The following PRELID2 variants were observed in gnomAD, a reference collection of about 807,000 sequenced individuals.
PRELID2 encodes the protein PRELI domain containing 2.
Under a neutral mutation model 28.4 loss-of-function variants are expected in PRELID2, and 25 were observed. That is an observed-to-expected ratio of 0.88 (90% CI 0.64 to 1.23). PRELID2 has a LOEUF of 1.23. Ranked by LOEUF, PRELID2 falls within the 50% of genes most tolerant of loss-of-function variation. The pLI is 0.00. For missense variants in PRELID2, 201 were observed against 214.4 expected (o/e 0.94, Z 0.39); for synonymous variants, 76 against 71.6 (o/e 1.06, Z -0.31).
chr5:145,584,185 G>C (rs1329210466), intron 1 of PRELID2, among the ~76,000 whole-genome samples: 1 of 152,056 alleles, frequency 6.6e-6, no homozygotes, highest in Non-Finnish European at 1.5e-5. Flanking sequence ...ACAAGCAATA[G>C]GGAAAGGATT....
the PRELID2 span, among the ~76,000 whole-genome samples, chr5:145,248,659 T>C: frequency 6.6e-6 from 1 of 152,074 alleles, no homozygotes; most frequent in Non-Finnish European, 1.5e-5. Flanking sequence ...TAGCTGGGCA[T>C]GGTGGTGCAC....
At chr5:145,780,541 T>C (rs181045534) in intron 5 of PRELID2, among the ~76,000 whole-genome samples, 1 of 152,338 alleles carries the variant, frequency 6.6e-6, no homozygotes, top group African/African-American at 2.4e-5. Context: ...TAAATGGCTC[T>C]ACTGGAAATA....
the PRELID2 span, among the ~76,000 whole-genome samples, chr5:145,289,597 T>A: frequency 6.6e-6 from 1 of 152,186 alleles, no homozygotes; most frequent in Non-Finnish European, 1.5e-5. Context: ...CATTTTCAAG[T>A]TAGTTGTGCA....
chr5:145,360,540 C>A, the PRELID2 span, among the ~76,000 whole-genome samples: 1 of 152,108 alleles, frequency 6.6e-6, no homozygotes, highest in African/African-American at 2.4e-5. Context: ...AAATAACAGC[C>A]CCTGAGCCTA....
At chr5:145,702,084 C>CAT (rs571336179) in intron 1 of PRELID2, among the ~76,000 whole-genome samples, 7 of 151,452 alleles carry the variant, frequency 4.6e-5, no homozygotes, top group South Asian at 2.1e-4. Flanking sequence ...CACACACACA[C>CAT]ATATATATAT....
chr5:145,506,843 C>T (rs1338090363), intron 1 of PRELID2, among the ~76,000 whole-genome samples: 5 of 152,202 alleles, frequency 3.3e-5, no homozygotes, highest in Non-Finnish European at 5.9e-5. Flanking sequence ...TCTTTGGTTT[C>T]AATGCCACCT....
the PRELID2 span, among the ~76,000 whole-genome samples, chr5:145,340,805 C>G: frequency 9.6e-6 from 1 of 103,654 alleles, no homozygotes. Context: ...ATATATCCTC[C>G]CTATATCCAC....
intron 1 of PRELID2, among the ~76,000 whole-genome samples, chr5:145,582,457 C>G (rs1016122865): frequency 8.6e-5 from 13 of 151,950 alleles, no homozygotes; most frequent in African/African-American, 3.1e-4. Context: ...AGTCGGCCCC[C>G]ATGATTCAAT....
At chr5:145,492,840 G>T (rs1467270894) in intron 1 of PRELID2, among the ~76,000 whole-genome samples, 1 of 140,750 alleles carries the variant, frequency 7.1e-6, no homozygotes, top group Non-Finnish European at 1.6e-5. Flanking sequence ...AAGCCTTAGG[G>T]TTATATGGTC....
intron 4 of PRELID2, among the ~76,000 whole-genome samples, chr5:145,809,384 C>T (rs1185192062): frequency 1.3e-5 from 2 of 151,974 alleles, no homozygotes; most frequent in African/African-American, 2.4e-5. Flanking sequence ...CAGCTATGCC[C>T]GACCACTCTG....
At chr5:145,606,891 T>C (rs1753512524) in intron 1 of PRELID2, among the ~76,000 whole-genome samples, 1 of 152,060 alleles carries the variant, frequency 6.6e-6, no homozygotes, top group Non-Finnish European at 1.5e-5. Context: ...TTCTGGTTGG[T>C]AGACTTTTTA....
At chr5:145,254,833 G>A in the PRELID2 span, among the ~76,000 whole-genome samples, 1 of 151,624 alleles carries the variant, frequency 6.6e-6, no homozygotes, top group Non-Finnish European at 1.5e-5. Context: ...TGATTTTCAG[G>A]TGCATAGGTC....
At chr5:145,464,941 A>C in the PRELID2 span, among the ~76,000 whole-genome samples, 1 of 152,138 alleles carries the variant, frequency 6.6e-6, no homozygotes, top group Non-Finnish European at 1.5e-5. Flanking sequence ...AGCCTAAAGT[A>C]AAGTCCCTCA....
intron 1 of PRELID2, among the ~76,000 whole-genome samples, chr5:145,483,645 T>G (rs1004713369): frequency 2.0e-5 from 3 of 152,318 alleles, no homozygotes; most frequent in African/African-American, 7.2e-5. Context: ...CAACAAGTGA[T>G]AGAGCCAGGA....
intron 1 of PRELID2, among the ~76,000 whole-genome samples, chr5:145,692,421 G>A (rs1242416506): frequency 6.6e-6 from 1 of 152,004 alleles, no homozygotes; most frequent in African/African-American, 2.4e-5. Flanking sequence ...ACCCTGCTGT[G>A]TGTTTCTGAA....
chr5:145,357,514 A>G, the PRELID2 span, among the ~76,000 whole-genome samples: 1 of 152,126 alleles, frequency 6.6e-6, no homozygotes, highest in Non-Finnish European at 1.5e-5. Flanking sequence ...ATATTTCCTC[A>G]GCTTGGTCAA....
At chr5:145,378,610 C>T in the PRELID2 span, among the ~76,000 whole-genome samples, 38 of 152,088 alleles carry the variant, frequency 2.5e-4, no homozygotes, top group Non-Finnish European at 5.0e-4. Flanking sequence ...CTATGAAATT[C>T]TTGTAGTGTA....
chr5:145,508,341 C>T (rs1032743729), intron 1 of PRELID2, among the ~76,000 whole-genome samples: 1 of 151,906 alleles, frequency 6.6e-6, no homozygotes, highest in Non-Finnish European at 1.5e-5. Context: ...TTTTTCTCCA[C>T]ATTGTTGAAG....
chr5:145,556,848 T>C (rs755607122), intron 1 of PRELID2, among the ~76,000 whole-genome samples: 6 of 152,196 alleles, frequency 3.9e-5, no homozygotes, highest in Non-Finnish European at 7.3e-5. Flanking sequence ...CTAACACTCC[T>C]GTCTCCCTAT....
Sources: gnomAD v4.1 joint callset for allele counts (sites outside exome capture counted in the v4.1 genomes callset) on GRCh38, gnomAD v4.1.1 for gene constraint, MANE v1.5 for transcripts, NCBI Gene and HGNC (gene_info 2026-07-23, HGNC 2026-07-21) for gene names.